Variants in ZNF362 observed in about 807,000 individuals in gnomAD.
ZNF362 encodes the protein rotund homolog.
A neutral mutation model predicts 42.9 loss-of-function variants in ZNF362; 11 were observed. That is an observed-to-expected ratio of 0.26 (90% CI 0.16 to 0.42). The LOEUF is 0.42. Among genes scored for constraint, ZNF362 ranks in the 20% least tolerant of loss-of-function variants. The pLI is 1.00. For missense variants in ZNF362, 362 were observed against 576.2 expected (o/e 0.63, Z 3.81); for synonymous variants, 255 against 257.3 (o/e 0.99, Z 0.09).
the ZNF362 span, among the ~76,000 whole-genome samples, chr1:33,226,717 T>C: frequency 2.6e-5 from 4 of 152,182 alleles, no homozygotes; most frequent in South Asian, 8.3e-4. Flanking sequence ...ATACAAATAT[T>C]AGCTGGGCAT....
At chr1:33,207,920 T>G in the ZNF362 span, among the ~76,000 whole-genome samples, 1 of 152,210 alleles carries the variant, frequency 6.6e-6, no homozygotes, top group Non-Finnish European at 1.5e-5. Flanking sequence ...GATGATAGTT[T>G]CTTTTGCTGT....
the ZNF362 span, among the ~76,000 whole-genome samples, chr1:33,169,634 C>A: frequency 1.3e-5 from 2 of 152,322 alleles, no homozygotes; most frequent in African/African-American, 4.8e-5. Flanking sequence ...TGGCCCCAAC[C>A]TTTTCTTCTC....
chr1:33,256,707 T>A (rs992298310), intron 1 of ZNF362, 53 bp downstream of exon 1: 5 of 144,384 alleles, frequency 3.5e-5, no homozygotes, highest in African/African-American at 1.2e-4. Flanking sequence ...GGCGGGCGCC[T>A]GCCCGCGGGA....
At chr1:33,148,990 A>AG in the ZNF362 span, among the ~76,000 whole-genome samples, 1 of 152,082 alleles carries the variant, frequency 6.6e-6, no homozygotes, top group Non-Finnish European at 1.5e-5. Flanking sequence ...TACCCCACTT[A>AG]GGTCCAAAGC....
the ZNF362 span, among the ~76,000 whole-genome samples, chr1:33,192,788 T>C: frequency 2.6e-5 from 4 of 152,282 alleles, no homozygotes; most frequent in Non-Finnish European, 5.9e-5. Context: ...CTGAGTCCTC[T>C]GATTACCTGC....
At chr1:33,234,237 T>C in the ZNF362 span, among the ~76,000 whole-genome samples, 3 of 152,140 alleles carry the variant, frequency 2.0e-5, no homozygotes, top group African/African-American at 2.4e-5. Flanking sequence ...CACAAGTTAC[T>C]TCACCTCCCT....
chr1:33,284,703 C>A (rs190297918), intron 6 of ZNF362, among the ~76,000 whole-genome samples: 1 of 151,556 alleles, frequency 6.6e-6, no homozygotes, highest in African/African-American at 2.4e-5. Context: ...TTATTGAATA[C>A]AGCCTCCTAA....
intron 8 of ZNF362, 74 bp downstream of exon 8, chr1:33,295,379 G>C (rs1206628214): frequency 6.5e-7 from 1 of 1,541,414 alleles, no homozygotes; most frequent in African/African-American, 1.4e-5. Flanking sequence ...CTTCCCCATT[G>C]TCAGATCTGT....
intron 6 of ZNF362, among the ~76,000 whole-genome samples, chr1:33,293,344 A>G (rs376202664): frequency 6.6e-6 from 1 of 152,134 alleles, no homozygotes; most frequent in Non-Finnish European, 1.5e-5. Flanking sequence ...ACGAGCAGGG[A>G]GGGGATGCTG....
At chr1:33,185,863 A>G in the ZNF362 span, among the ~76,000 whole-genome samples, 1 of 152,202 alleles carries the variant, frequency 6.6e-6, no homozygotes, top group African/African-American at 2.4e-5. Context: ...CCACAGACTT[A>G]GACACAATCA....
intron 1 of ZNF362, among the ~76,000 whole-genome samples, chr1:33,269,890 G>A (rs1318322423): frequency 6.6e-6 from 1 of 152,136 alleles, no homozygotes; most frequent in African/African-American, 2.4e-5. Flanking sequence ...CCTGGCACCT[G>A]ATGTACACCT....
chr1:33,263,657 C>A (rs1387080492), intron 1 of ZNF362, among the ~76,000 whole-genome samples: 2 of 152,158 alleles, frequency 1.3e-5, no homozygotes, highest in Non-Finnish European at 2.9e-5. Flanking sequence ...GTGATCCACC[C>A]ACTTTGGCCT....
intron 4 of ZNF362, among the ~76,000 whole-genome samples, chr1:33,277,874 G>A (rs560462090): frequency 2.0e-5 from 3 of 152,242 alleles, no homozygotes; most frequent in South Asian, 2.1e-4. Context: ...AGGCCTCCTC[G>A]GAGCTTGGTG....
At chr1:33,127,915 A>G in the ZNF362 span, among the ~76,000 whole-genome samples, 1 of 152,084 alleles carries the variant, frequency 6.6e-6, no homozygotes, top group South Asian at 2.1e-4. Context: ...TCTTAATGAC[A>G]AGGACTCCTA....
chr1:33,293,684 C>T (rs896256635), intron 6 of ZNF362, among the ~76,000 whole-genome samples: 1 of 152,206 alleles, frequency 6.6e-6, no homozygotes, highest in Non-Finnish European at 1.5e-5. Flanking sequence ...CATTGCTCAC[C>T]TGCTTGGTAC....
intron 6 of ZNF362, among the ~76,000 whole-genome samples, chr1:33,285,931 C>T (rs776278596): frequency 2.0e-5 from 3 of 152,048 alleles, no homozygotes; most frequent in Non-Finnish European, 2.9e-5. Flanking sequence ...GGTGTGGTGG[C>T]GGGTGCCTGT....
the ZNF362 span, chr1:33,143,128 C>T: frequency 6.6e-6 from 1 of 152,206 alleles, no homozygotes; most frequent in Admixed American, 6.5e-5. Flanking sequence ...TGATATCAGC[C>T]TGACAACCCC....
At chr1:33,145,358 C>G in the ZNF362 span, 1 of 156,722 alleles carries the variant, frequency 6.4e-6, no homozygotes, top group East Asian at 1.9e-4. Flanking sequence ...TGGGACAGAG[C>G]TGGGTGGGCC....
the ZNF362 span, chr1:33,147,393 C>G: frequency 6.2e-7 from 1 of 1,614,164 alleles, no homozygotes; most frequent in South Asian, 1.1e-5. This position sits in a 1 kb window ranked among gnomAD's most constrained non-coding sequence, Gnocchi z 8.1. Flanking sequence ...TAAGCCGCGT[C>G]CAGGGCTCCG....
Sources: allele counts gnomAD v4.1 joint callset (sites outside exome capture counted in the v4.1 genomes callset), GRCh38; gene constraint gnomAD v4.1.1; non-coding constraint Gnocchi (gnomAD v3.1); transcripts MANE v1.5; gene names NCBI Gene and HGNC (gene_info 2026-07-23, HGNC 2026-07-21).